Variants in TXLNB observed in about 807,000 individuals in gnomAD.
The protein encoded by TXLNB is beta-taxilin.
Under a neutral mutation model 57.4 loss-of-function variants are expected in TXLNB, and 37 were observed. The ratio of observed to expected loss-of-function variants is 0.64; its 90% confidence interval spans 0.50 to 0.85. The LOEUF (loss-of-function observed/expected upper bound fraction) is 0.85, where lower values mean the gene tolerates loss of function less well. TXLNB is among the 40% of genes least tolerant of loss of function. TXLNB has a pLI of 0.00. For synonymous variants in TXLNB, 302 were observed against 309.6 expected (o/e 0.98, Z 0.26); for missense variants, 848 against 825.6 (o/e 1.03, Z -0.33).
At chr6:139,196,364 GGT>G in the TXLNB span, among the ~76,000 whole-genome samples, 5,681 of 86,684 alleles carry the variant, frequency 0.066, 1,755 homozygotes, top group African/African-American at 0.19. Context: ...CTCCAGATCT[GGT>G]TTTTTTTTTT....
chr6:139,178,200 A>T, the TXLNB span: 43 of 152,330 alleles, frequency 2.8e-4, no homozygotes, highest in African/African-American at 1.0e-3. Flanking sequence ...TGAAAAATAG[A>T]CCATTCTAAA....
chr6:139,206,880 T>C, the TXLNB span, among the ~76,000 whole-genome samples: 1 of 152,042 alleles, frequency 6.6e-6, no homozygotes, highest in Non-Finnish European at 1.5e-5. Flanking sequence ...AACCAACAAC[T>C]GTAAAAACAG....
At chr6:139,255,375 A>G (rs1776309302) in intron 7 of TXLNB, 189 bp downstream of exon 7, 3 of 655,486 alleles carry the variant, frequency 4.6e-6, no homozygotes, top group Non-Finnish European at 8.6e-6. Context: ...TTTCTTTTTC[A>G]TAGATATAAT....
In TXLNB at chr6:139,242,923, T is replaced by C. The variant is rs1157837323; in HGVS notation, c.1658A>G (p.Glu553Gly). 9 of 1,614,042 alleles carry C rather than the reference T, an allele frequency of 5.6e-6. No homozygotes were observed. The highest frequency in any genetic ancestry group is 1.3e-5 in the African/African-American group (1 of 74,936). ...AGGAGTTAGGGGAGGCAGGGGACTCTCTGAATCCCGTGAAGGGATCAGAGG... is the reference window on the plus strand; with the variant it reads ...AGGAGTTAGGGGAGGCAGGGGACTCCCTGAATCCCGTGAAGGGATCAGAGG... ...QPPLIPSRDSESPLPPLTPQA... is the reference protein window; with the variant it reads ...QPPLIPSRDSGSPLPPLTPQA... The change falls in exon 10 of 10, where the codon GAG (glutamate) becomes GGG (glycine). Residue 553 changes from glutamate to glycine, a missense_variant. Coordinates refer to ENST00000358430, the MANE Select transcript of TXLNB (RefSeq NM_153235.4).
rs1777237983 is a variant in TXLNB, at chr6:139,288,738, AT to A, written c.161del (p.Asp54ValfsTer6). 1.9e-6 allele frequency: 3 copies of A among 1,614,084 alleles called. No individual in the cohort carries two copies. Among genetic ancestry groups the A allele is most frequent in the Non-Finnish European group, 2.5e-6 (3 of 1,180,058 alleles). On this transcript the variant is annotated frameshift_variant, in exon 2 of 10. Coordinates refer to ENST00000358430, the MANE Select transcript of TXLNB (RefSeq NM_153235.4). LOFTEE classifies it high-confidence loss of function. Reference protein sequence around the residue: ...PPEKEASVHPDISEELNRQLE... With the variant: ...PPEKEASVHPXISEELNRQLE... ...GCTGTCGATTCAGCTCTTCAGAGAT[AT>A]CGGGGTGCACACTTGCCTCTTTCTC... is the stretch of plus-strand genomic sequence containing the variant.
chr6:139,164,164 C>T, the TXLNB span, among the ~76,000 whole-genome samples: 1 of 152,154 alleles, frequency 6.6e-6, no homozygotes, highest in Non-Finnish European at 1.5e-5. Context: ...ACAGCACCCT[C>T]CCTCTGGCCT....
upstream of TXLNB, among the ~76,000 whole-genome samples, chr6:139,294,763 G>A (rs565074216): frequency 6.7e-4 from 102 of 152,286 alleles, no homozygotes; most frequent in African/African-American, 2.3e-3. Flanking sequence ...GCCAAGGCAG[G>A]TGGATCACTT....
the TXLNB span, among the ~76,000 whole-genome samples, chr6:139,211,854 C>G: frequency 6.6e-6 from 1 of 151,984 alleles, no homozygotes; most frequent in African/African-American, 2.4e-5. Context: ...GTAACCGATG[C>G]GATCAACTGG....
At chr6:139,167,416 C>A in the TXLNB span, 1 of 1,113,418 alleles carries the variant, frequency 9.0e-7, no homozygotes, top group East Asian at 2.4e-5. Flanking sequence ...TAGTTTTCAC[C>A]AGTGTTGTTT....
intron 4 of TXLNB, among the ~76,000 whole-genome samples, chr6:139,268,134 A>T (rs1337191402): frequency 7.1e-6 from 1 of 141,124 alleles, no homozygotes; most frequent in Non-Finnish European, 1.5e-5. Flanking sequence ...TGGACGACAG[A>T]GCGAGACTCC....
chr6:139,192,087 T>C, the TXLNB span, among the ~76,000 whole-genome samples: 843 of 152,368 alleles, frequency 5.5e-3, 11 homozygotes, highest in African/African-American at 0.02. Flanking sequence ...GTGGTTCTCA[T>C]AGATCACAGT....
the TXLNB span, chr6:139,177,816 T>A: frequency 6.6e-6 from 1 of 152,252 alleles, no homozygotes; most frequent in Non-Finnish European, 1.5e-5. This position sits in a 1 kb window ranked among gnomAD's most constrained non-coding sequence, Gnocchi z 4.9. Context: ...CAGAACTCAA[T>A]CATTTAAATT....
chr6:139,320,228 A>G, the TXLNB span, among the ~76,000 whole-genome samples: 1 of 152,204 alleles, frequency 6.6e-6, no homozygotes, highest in African/African-American at 2.4e-5. Flanking sequence ...AAAATTTTGT[A>G]TGACACATAG....
chr6:139,261,745 T>G (rs970139842), intron 5 of TXLNB, among the ~76,000 whole-genome samples: 3 of 152,016 alleles, frequency 2.0e-5, no homozygotes, highest in Admixed American at 6.6e-5. Context: ...ATGCATAAGA[T>G]TGTTGAGACA....
At chr6:139,228,526 CAAAAA>C in the TXLNB span, among the ~76,000 whole-genome samples, 1 of 44,294 alleles carries the variant, frequency 2.3e-5, no homozygotes. Flanking sequence ...AACTCCATCT[CAAAAA>C]AAAAAAAAAA....
chr6:139,243,464 C>A, intron 9 of TXLNB, 150 bp from the exon 10 acceptor site: 1 of 686,110 alleles, frequency 1.5e-6, no homozygotes, highest in Non-Finnish European at 2.4e-6. Context: ...AGGGGCTGAA[C>A]AGATGCTTGG....
chr6:139,276,267 T>A (rs1364494432), intron 3 of TXLNB, among the ~76,000 whole-genome samples: 1 of 152,230 alleles, frequency 6.6e-6, no homozygotes, highest in Admixed American at 6.5e-5. Flanking sequence ...TATGTCAATA[T>A]ACCTAAAAAT....
At chr6:139,301,794 C>G in the TXLNB span, among the ~76,000 whole-genome samples, 62 of 152,234 alleles carry the variant, frequency 4.1e-4, no homozygotes, top group Admixed American at 7.2e-4. Flanking sequence ...CCCCCCTGAC[C>G]ATAGTACATA....
At chr6:139,287,180 A>C (rs1777197775) in intron 2 of TXLNB, 1 of 152,630 alleles carries the variant, frequency 6.6e-6, no homozygotes, top group Non-Finnish European at 1.5e-5. Flanking sequence ...GCTGCACATG[A>C]CTTTACCTAA....
Sources: gnomAD v4.1 joint callset for allele counts (sites outside exome capture counted in the v4.1 genomes callset) on GRCh38, gnomAD v4.1.1 for gene constraint, Gnocchi (gnomAD v3.1) non-coding constraint, MANE v1.5 for transcripts, NCBI Gene and HGNC (gene_info 2026-07-23, HGNC 2026-07-21) for gene names.